SH3PXD2B: variants seen among roughly 807,000 people sequenced by gnomAD.
The protein encoded by SH3PXD2B is SH3 and PX domain-containing protein 2B.
In SH3PXD2B, 37 loss-of-function variants were observed where a neutral mutation model predicts 73.1. That is an observed-to-expected ratio of 0.51 (90% CI 0.39 to 0.67). SH3PXD2B has a LOEUF of 0.67. Ranked by LOEUF, SH3PXD2B falls within the 30% of genes least tolerant of loss-of-function variation. SH3PXD2B has a pLI of 0.00. For synonymous variants in SH3PXD2B, 457 were observed against 480.5 expected (o/e 0.95, Z 0.64); for missense variants, 1,053 against 1,197.8 (o/e 0.88, Z 1.78).
At chr5:172,346,075 T>C in intron 12 of SH3PXD2B, 61 bp downstream of exon 12, 1 of 1,611,002 alleles carries the variant, frequency 6.2e-7, no homozygotes, top group Non-Finnish European at 8.5e-7. Flanking sequence ...AGGGGAGAAG[T>C]AGGAGGTGAT....
chr5:172,372,105 G>A (rs1306091904), intron 6 of SH3PXD2B, among the ~76,000 whole-genome samples: 1 of 152,194 alleles, frequency 6.6e-6, no homozygotes, highest in Non-Finnish European at 1.5e-5. Context: ...GGGCAGCAAA[G>A]GTACTGGAGC....
intron 3 of SH3PXD2B, among the ~76,000 whole-genome samples, chr5:172,401,070 A>T (rs539076070): frequency 6.6e-6 from 1 of 152,244 alleles, no homozygotes; most frequent in Non-Finnish European, 1.5e-5. Context: ...TTGGCAAGCC[A>T]ATTCCACCCA....
intron 10 of SH3PXD2B, 35 bp from the exon 11 acceptor site, chr5:172,347,367 T>C (rs1419180580): frequency 1.2e-6 from 2 of 1,608,952 alleles, no homozygotes; most frequent in South Asian, 1.1e-5. Context: ...CATCTTGTGC[T>C]ACAGATGAGA....
Position 172,336,105 on chromosome 5 carries a change from G to A in SH3PXD2B, c.*2264C>T. ...CAAAGCTCTTCCAGCCAGGGATGGAGCCACACACATCCCAGTCTACTCAGC... is the reference window on the plus strand; with the variant it reads ...CAAAGCTCTTCCAGCCAGGGATGGAACCACACACATCCCAGTCTACTCAGC... On this transcript the variant is annotated 3_prime_UTR_variant, in exon 13 of 13. Coordinates refer to ENST00000311601, the MANE Select transcript of SH3PXD2B (RefSeq NM_001017995.3). 3.0e-6 allele frequency: 3 copies of A among 988,134 alleles called. No homozygotes were observed. The highest frequency in any genetic ancestry group is 3.6e-6 in the Non-Finnish European group (3 of 831,908). The allele number at this position is 988,134 out of a possible 1,614,324, so 61.2% of individuals were successfully genotyped here. A position where few individuals can be genotyped will look rare whatever the true frequency, so the allele number is the denominator to read the frequency against.
Position 172,325,341 on chromosome 5 carries a change from G to C in SH3PXD2B, c.1228C>G (p.Pro410Ala), listed in dbSNP as rs188141047. 3 of 1,535,464 alleles carry C rather than the reference G, an allele frequency of 2.0e-6. No homozygotes were observed. In the East Asian group the frequency reaches 7.3e-5, roughly 38 times the overall value. Residue 410 changes from proline to alanine, a missense_variant, in exon 13 of 13, where the codon CCT becomes GCT. Coordinates refer to the SH3PXD2B transcript ENST00000519643. Reference sequence around the variant, plus strand: ...GTCCGCATCTTGATTCTTCTAAGAGGGACTTCCACAGGGCTCTCCAAGTGA... The same window carrying C: ...GTCCGCATCTTGATTCTTCTAAGAGCGACTTCCACAGGGCTCTCCAAGTGA...
intron 1 of SH3PXD2B, among the ~76,000 whole-genome samples, chr5:172,422,958 A>AT (rs757176754): frequency 6.6e-6 from 1 of 152,026 alleles, no homozygotes; most frequent in Non-Finnish European, 1.5e-5. Context: ...AGGCCAAGTT[A>AT]TTTTTTCCCC....
rs1402481070 is a variant in SH3PXD2B, at chr5:172,445,677, G to A, written c.75+8601C>T. Among the ~76,000 whole-genome samples, 3 of 152,188 alleles carry A rather than the reference G, an allele frequency of 2.0e-5. No individual in the cohort carries two copies. ...AAATATTGCATGTTTATTTGAAACCGAAATTGAACTGGGCATTCTGCATTT... is the reference window on the plus strand; with the variant it reads ...AAATATTGCATGTTTATTTGAAACCAAAATTGAACTGGGCATTCTGCATTT... On this transcript the variant is annotated intron_variant, in intron 1 of 12. Transcript: ENST00000311601. The surrounding 1 kb of genome is among the most constrained non-coding windows in gnomAD (Gnocchi z 5.2).
In SH3PXD2B at chr5:172,335,363, G is replaced by A. The variant is rs539299765; in HGVS notation, c.*3006C>T. The A allele has an allele frequency of 7.6e-5, 92 of 1,215,856 alleles. No individual in the cohort carries two copies. The South Asian group carries it at 3.5e-3, about 46-fold the overall frequency. 75.3% of individuals were successfully genotyped at this position (1,215,856 alleles called of 1,614,324 possible). A position where few individuals can be genotyped will look rare whatever the true frequency, so the allele number is the denominator to read the frequency against. On this transcript the variant is annotated 3_prime_UTR_variant, in exon 13 of 13. Transcript: ENST00000311601. ...CAGAGGGAGGGTCACTTGATTCCCT[G>A]GAAGCCCTCCGCACACTTCCCTGCT...
intron 3 of SH3PXD2B, among the ~76,000 whole-genome samples, chr5:172,403,302 C>G (rs1333583515): frequency 6.6e-6 from 1 of 152,262 alleles, no homozygotes; most frequent in African/African-American, 2.4e-5. Context: ...GCTCTCCCCT[C>G]CCCCGCCTTT....
At chr5:172,417,527 G>C (rs1038804194) in intron 2 of SH3PXD2B, among the ~76,000 whole-genome samples, 5 of 152,162 alleles carry the variant, frequency 3.3e-5, no homozygotes, top group African/African-American at 1.2e-4. Context: ...AATCCATCTT[G>C]ACTGGGCTTC....
At chr5:172,372,517 G>GT (rs1478458843) in intron 6 of SH3PXD2B, among the ~76,000 whole-genome samples, 1 of 152,112 alleles carries the variant, frequency 6.6e-6, no homozygotes, top group Non-Finnish European at 1.5e-5. Context: ...CCAGTCACAG[G>GT]TATTTCTTTA....
rs1757197408 is a variant in SH3PXD2B, at chr5:172,353,249, G to C, written c.785+639C>G. Among the ~76,000 whole-genome samples, 1 of 152,168 alleles carries C rather than the reference G, an allele frequency of 6.6e-6. No homozygotes were observed. Among genetic ancestry groups the C allele is most frequent in the Admixed American group, 6.5e-5 (1 of 15,282 alleles). ...TCACAGCGCAGACACTAGATTGCAGGGACCTCGGCTTCCTCTCTTGCCCTA... is the reference window on the plus strand; with the variant it reads ...TCACAGCGCAGACACTAGATTGCAGCGACCTCGGCTTCCTCTCTTGCCCTA... On this transcript the variant is annotated intron_variant, in intron 9 of 12. Transcript: ENST00000311601. The surrounding 1 kb of genome is among the most constrained non-coding windows in gnomAD (Gnocchi z 4.3).
chr5:172,347,107 C>T (rs887354899), intron 11 of SH3PXD2B, among the ~76,000 whole-genome samples, 176 bp downstream of exon 11: 2 of 152,180 alleles, frequency 1.3e-5, no homozygotes, highest in South Asian at 2.1e-4. Flanking sequence ...CCTGCCTGCA[C>T]CTCCGTCTTT....
intron 1 of SH3PXD2B, among the ~76,000 whole-genome samples, chr5:172,432,189 A>G (rs974314332): frequency 1.3e-5 from 2 of 152,102 alleles, no homozygotes; most frequent in African/African-American, 4.8e-5. Context: ...ACAAAGAAAT[A>G]AACAACCTTA....
At chr5:172,355,002 C>T (rs536012902) in intron 8 of SH3PXD2B, among the ~76,000 whole-genome samples, 1 of 152,184 alleles carries the variant, frequency 6.6e-6, no homozygotes, top group Non-Finnish European at 1.5e-5. Flanking sequence ...GCTCCCACCC[C>T]CAGTGTTATC....
Position 172,336,800 on chromosome 5 carries a change from T to A in SH3PXD2B, c.*1569A>T. 3 of 985,570 alleles carry A rather than the reference T, an allele frequency of 3.0e-6. No individual in the cohort carries two copies. In the African/African-American group the frequency reaches 5.2e-5, roughly 17 times the overall value. The allele number at this position is 985,570 out of a possible 1,614,324, so 61.1% of individuals were successfully genotyped here. On this transcript the variant is annotated 3_prime_UTR_variant, in exon 13 of 13. Transcript: ENST00000311601. ...TGGGCTGGGAGCTAGAAATGCTGGG[T>A]CCTGATTTTGCTTCTGCAGTGATTT... is the stretch of plus-strand genomic sequence containing the variant.
intron 4 of SH3PXD2B, among the ~76,000 whole-genome samples, chr5:172,394,254 T>A (rs1327841248): frequency 6.6e-6 from 1 of 152,186 alleles, no homozygotes; most frequent in East Asian, 1.9e-4. Flanking sequence ...CAAGAGGATG[T>A]TTTAATAGTA....
rs528150234 is a variant in SH3PXD2B, at chr5:172,334,352, C to T, written c.*4017G>A. ...AAACTTACTCTAGTTAGGAGCAATT[C>T]CTCCAGGCCAAGAGAGGGCGCCCTG... On this transcript the variant is annotated 3_prime_UTR_variant, in exon 13 of 13. Coordinates refer to ENST00000311601, the MANE Select transcript of SH3PXD2B (RefSeq NM_001017995.3). The T allele has an allele frequency of 1.0e-6, 1 of 994,214 alleles. No homozygotes were observed. The highest frequency in any genetic ancestry group is 4.6e-5 in the South Asian group (1 of 21,658). The allele number at this position is 994,214 out of a possible 1,614,324, so 61.6% of individuals were successfully genotyped here.
intron 6 of SH3PXD2B, among the ~76,000 whole-genome samples, chr5:172,370,867 C>T (rs2113347743): frequency 6.6e-6 from 1 of 152,270 alleles, no homozygotes; most frequent in African/African-American, 2.4e-5. Context: ...GATATTGCAG[C>T]CAAGCTCTAT....
Sources: gnomAD v4.1 joint callset for allele counts (sites outside exome capture counted in the v4.1 genomes callset) on GRCh38, gnomAD v4.1.1 for gene constraint, Gnocchi (gnomAD v3.1) non-coding constraint, MANE v1.5 for transcripts, NCBI Gene and HGNC (gene_info 2026-07-23, HGNC 2026-07-21) for gene names.